The following MMRN2 variants were observed in gnomAD, a reference collection of about 807,000 sequenced individuals.
The protein encoded by MMRN2 is multimerin-2.
A neutral mutation model predicts 68.8 loss-of-function variants in MMRN2; 53 were observed. That is an observed-to-expected ratio of 0.77 (90% CI 0.62 to 0.97). The LOEUF (loss-of-function observed/expected upper bound fraction) is 0.97. Ranked by LOEUF, MMRN2 falls within the 50% of genes least tolerant of loss-of-function variation. MMRN2 has a pLI of 0.00. For missense variants in MMRN2, 1,266 were observed against 1,259.5 expected, an observed-to-expected ratio of 1.01 and a Z score of -0.08; for synonymous variants, 564 against 551.6, an observed-to-expected ratio of 1.02 and a Z score of -0.32.
Position 86,936,926 on chromosome 10 carries a change from A to T in MMRN2, c.2667T>A (p.Phe889Leu), listed in dbSNP as rs373201619. The change falls in exon 7 of 7, where the codon TTT (phenylalanine) becomes TTA (leucine). Residue 889 changes from phenylalanine (F) to leucine (L), a missense_variant. Phe to Leu is a conservative substitution (Grantham distance 22, BLOSUM62 0). Transcript: ENST00000372027. ...AGACTGGAGTCCGATGGTGACCTCC[A>T]AACACCAGCTGCCCGGTGCCTGGCC... is the stretch of plus-strand genomic sequence containing the variant. ...GPGPGTGQLV[F>L]GGHHRTPVCT... is the part of the protein sequence containing the mutation. 1 of 1,614,106 alleles carries T rather than the reference A, an allele frequency of 6.2e-7. No individual in the cohort carries two copies. Among genetic ancestry groups the T allele is most frequent in the African/African-American group, 1.3e-5 (1 of 74,936 alleles).
chr10:86,947,122 G>A (rs1490208560), intron 1 of MMRN2, among the ~76,000 whole-genome samples: 1 of 152,172 alleles, frequency 6.6e-6, no homozygotes, highest in Non-Finnish European at 1.5e-5. Context: ...GAGATGATGG[G>A]AGGGCAAGAC....
intron 6 of MMRN2, among the ~76,000 whole-genome samples, chr10:86,940,243 CA>C (rs1843948817): frequency 6.6e-6 from 1 of 152,132 alleles, no homozygotes; most frequent in African/African-American, 2.4e-5. Flanking sequence ...CTCCTGACCT[CA>C]AGTGATCCAC....
intron 6 of MMRN2, 49 bp downstream of exon 6, chr10:86,942,268 C>T (rs530992101): frequency 5.9e-6 from 9 of 1,532,550 alleles, no homozygotes; most frequent in South Asian, 1.3e-5. Flanking sequence ...TGCCGGCAGC[C>T]GGCCCTGGCC....
chr10:86,942,301 C>A lies in MMRN2; in HGVS notation c.2467+16G>T. Reference sequence around the variant, plus strand: ...GCCTCCTAGGCTCGTCCAGTCTCCCCAGCCCAGGAACTCACCTGCCTCCCA... The same window carrying A: ...GCCTCCTAGGCTCGTCCAGTCTCCCAAGCCCAGGAACTCACCTGCCTCCCA... On this transcript the variant is annotated intron_variant, in intron 6 of 6. Transcript: ENST00000372027. 1 of 1,594,206 alleles carries A rather than the reference C, an allele frequency of 6.3e-7. No individual in the cohort carries two copies. The highest frequency in any genetic ancestry group is 8.6e-7 in the Non-Finnish European group (1 of 1,169,300).
At position 86,943,880 on chromosome 10, in the gene MMRN2, G is replaced by C. The variant is rs149520787; in HGVS notation, c.904C>G (p.Gln302Glu). ...TCCTGTCGCAGCTGACCCACTCTCT[G>C]AGTGTTCTCCTGGACCTTGGCCTCA... ...KFEAKVQENT[Q>E]RVGQLRQDVE... Residue 302 changes from glutamine (Q) to glutamate (E), a missense_variant, in exon 6 of 7, where the codon CAG becomes GAG. Transcript: ENST00000372027. The surrounding 1 kb of genome is among the most constrained non-coding windows in gnomAD (Gnocchi z 4.2). 6.2e-7 allele frequency: 1 copy of C among 1,613,910 alleles called. No homozygotes were observed. The highest frequency in any genetic ancestry group is 8.5e-7 in the Non-Finnish European group (1 of 1,180,048).
chr10:86,950,908 G>A (rs146223891), intron 1 of MMRN2, among the ~76,000 whole-genome samples: 19 of 152,218 alleles, frequency 1.2e-4, no homozygotes, highest in South Asian at 2.1e-4. Flanking sequence ...CTATGGATGC[G>A]TGCACATGCA....
intron 6 of MMRN2, among the ~76,000 whole-genome samples, chr10:86,938,291 C>G (rs1304205591): frequency 2.6e-5 from 4 of 152,182 alleles, no homozygotes; most frequent in Admixed American, 6.5e-5. Context: ...GCTTATTGCT[C>G]CAGACCACAC....
Position 86,943,004 on chromosome 10 carries a change from T to C in MMRN2, c.1780A>G (p.Ser594Gly), listed in dbSNP as rs757330570. Reference protein sequence around the residue: ...EARHEVRQLHSAFAALLEDAL... With the variant: ...EARHEVRQLHGAFAALLEDAL... ...TCCTCCAGCAGGGCGGCGAAGGCGC[T>C]GTGCAGCTGGCGCACCTCGTGGCGG... Residue 594 changes from serine to glycine, a missense_variant, in exon 6 of 7, where the codon AGC becomes GGC. Physicochemically the swap from Ser to Gly is moderately conservative, Grantham distance 56 (BLOSUM62 0). Transcript: ENST00000372027. The surrounding 1 kb of genome is among the most constrained non-coding windows in gnomAD (Gnocchi z 4.2). The C allele has an allele frequency of 1.3e-5, 19 of 1,420,816 alleles. No individual in the cohort carries two copies. Among genetic ancestry groups the C allele is most frequent in the Non-Finnish European group, 1.7e-5 (19 of 1,087,248 alleles). The allele number at this position is 1,420,816 out of a possible 1,614,324, so 88.0% of individuals were successfully genotyped here. A position where few individuals can be genotyped will look rare whatever the true frequency, so the allele number is the denominator to read the frequency against.
chr10:86,947,123 AGG>A lies in MMRN2; in HGVS notation c.165-1436_165-1435del, dbSNP rs1183116667. ...GGTCCCTGGGTGCAGAGATGATGGG[AGG>A]GCAAGACGTTGGCAGCTGTGTCCAC... On this transcript the variant is annotated intron_variant, in intron 1 of 6. Transcript: ENST00000372027. Among the ~76,000 whole-genome samples, 3 of 152,090 alleles carry A rather than the reference AGG, an allele frequency of 2.0e-5. No individual in the cohort carries two copies. The East Asian group carries it at 5.8e-4, about 29-fold the overall frequency.
At chr10:86,951,282 A>C (rs1844140309) in intron 1 of MMRN2, among the ~76,000 whole-genome samples, 1 of 152,238 alleles carries the variant, frequency 6.6e-6, no homozygotes, top group South Asian at 2.1e-4. Context: ...GAGATCAGCA[A>C]ACTTTTTTTC....
rs919867294 is a variant in MMRN2, at chr10:86,957,475, G to A, written c.67C>T (p.Gln23Ter). Residue 23 changes from glutamine (Q) to a stop codon, truncating the protein, a stop_gained, in exon 1 of 7, where the codon CAG (glutamine) becomes TAG (stop). Coordinates refer to ENST00000372027, the MANE Select transcript of MMRN2 (RefSeq NM_024756.3). LOFTEE classifies it high-confidence loss of function. ...TCAGAGAGGCTAGTACTGGAAGCCT[G>A]GGCCCATGCCCCCAGCAGCCCCCAG... ...LGWGLLGAWAQASSTSLSDLQ... is the reference protein window; with the variant it reads ...LGWGLLGAWA 1.2e-6 allele frequency: 2 copies of A among 1,613,374 alleles called. No homozygotes were observed. Among genetic ancestry groups the A allele is most frequent in the Non-Finnish European group, 1.7e-6 (2 of 1,179,958 alleles).
In MMRN2 at chr10:86,936,439, A is replaced by G. The variant is rs577584012; in HGVS notation, c.*304T>C. 4.1e-5 allele frequency: 20 copies of G among 489,428 alleles called. 1 individual carries two copies. The highest frequency in any genetic ancestry group is 3.6e-4 in the East Asian group (12 of 33,632). The allele number at this position is 489,428 out of a possible 1,614,324, so 30.3% of individuals were successfully genotyped here. On this transcript the variant is annotated 3_prime_UTR_variant, in exon 7 of 7. Transcript: ENST00000372027. The stretch of plus-strand genomic sequence containing the variant: ...AGGAGCAAAACACCAAAGAAGTTGT[A>G]GAATACAGGGTGTGGTGAAGAGTTG...
At position 86,937,037 on chromosome 10, in the gene MMRN2, G is replaced by T; in HGVS notation, c.2556C>A (p.Gly852=). Residue 852 remains glycine (G), a synonymous_variant, in exon 7 of 7, where the codon GGC becomes GGA. Coordinates refer to ENST00000372027, the MANE Select transcript of MMRN2 (RefSeq NM_024756.3). ...AGCCATGTTCAGGGAAGTAGCTGCT[G>T]CCAATGTTGATGTATGTGGTGTTGA... ...VKFNTTYINI[G]SSYFPEHGYF... is the part of the protein sequence containing the mutation. 6.2e-7 allele frequency: 1 copy of T among 1,614,228 alleles called. No individual in the cohort carries two copies. Among genetic ancestry groups the T allele is most frequent in the Non-Finnish European group, 8.5e-7 (1 of 1,180,040 alleles).
intron 6 of MMRN2, 115 bp downstream of exon 6, chr10:86,942,202 G>A: frequency 2.4e-6 from 3 of 1,257,694 alleles, no homozygotes; most frequent in Non-Finnish European, 3.2e-6. Flanking sequence ...CCTAGTAGGG[G>A]TGACGGATGG....
intron 1 of MMRN2, among the ~76,000 whole-genome samples, chr10:86,947,034 G>A (rs1434955192): frequency 6.6e-6 from 1 of 152,132 alleles, no homozygotes; most frequent in Non-Finnish European, 1.5e-5. Context: ...GCTGGCCCAT[G>A]TCCTGAGGGC....
chr10:86,956,113 G>C (rs1037151345), intron 1 of MMRN2, among the ~76,000 whole-genome samples: 3 of 151,962 alleles, frequency 2.0e-5, no homozygotes, highest in African/African-American at 7.3e-5. Flanking sequence ...AAATCAGAGC[G>C]GAGTGGCTGG....
At position 86,945,354 on chromosome 10, in the gene MMRN2, C is replaced by A. The variant is rs777046951; in HGVS notation, c.400+16G>T. 6.2e-7 allele frequency: 1 copy of A among 1,600,028 alleles called. No individual in the cohort carries two copies. Among genetic ancestry groups the A allele is most frequent in the Admixed American group, 1.7e-5 (1 of 58,128 alleles). On this transcript the variant is annotated intron_variant, in intron 3 of 6. Coordinates refer to ENST00000372027, the MANE Select transcript of MMRN2 (RefSeq NM_024756.3). ...ATCAGAGGTCAAGGGGGGAAGGGGGCCGCAGGGAGCCCTACCGTGGTGCTC... is the reference window on the plus strand; with the variant it reads ...ATCAGAGGTCAAGGGGGGAAGGGGGACGCAGGGAGCCCTACCGTGGTGCTC...
Position 86,943,515 on chromosome 10 carries a change from G to C in MMRN2, c.1269C>G (p.Phe423Leu), listed in dbSNP as rs867442471. Residue 423 changes from phenylalanine to leucine, a missense_variant, in exon 6 of 7, where the codon TTC becomes TTG. Coordinates refer to ENST00000372027, the MANE Select transcript of MMRN2 (RefSeq NM_024756.3). The surrounding 1 kb of genome is among the most constrained non-coding windows in gnomAD (Gnocchi z 4.2). Reference sequence around the variant, plus strand: ...GCCGCTCCACCTTGCTAATCTGATCGAAAGTCTCGTCCGATTCGGAGTACA... The same window carrying C: ...GCCGCTCCACCTTGCTAATCTGATCCAAAGTCTCGTCCGATTCGGAGTACA... ...KELYSESDETFDQISKVERQV... is the reference protein window; with the variant it reads ...KELYSESDETLDQISKVERQV... The C allele has an allele frequency of 6.2e-7, 1 of 1,614,218 alleles. No homozygotes were observed. The highest frequency in any genetic ancestry group is 2.2e-5 in the East Asian group (1 of 44,874).
chr10:86,943,220 G>A lies in MMRN2; in HGVS notation c.1564C>T (p.Leu522=), dbSNP rs200997718. 9 of 1,610,386 alleles carry A rather than the reference G, an allele frequency of 5.6e-6. No individual in the cohort carries two copies. The highest frequency in any genetic ancestry group is 5.3e-5 in the African/African-American group (4 of 74,908). Residue 522 remains leucine, a synonymous_variant, in exon 6 of 7, where the codon CTG becomes TTG. Transcript: ENST00000372027. The surrounding 1 kb of genome is among the most constrained non-coding windows in gnomAD (Gnocchi z 4.2). ...CCGTCCAGCTGCCGCCGCTCGTCCA[G>A]GCTCACCTGGGTCTCCTCCAGGGCA... ...TRALEETQVS[L]DERRQLDGSS... is the part of the protein sequence containing the mutation.
Sources: gnomAD v4.1 joint callset for allele counts (sites outside exome capture counted in the v4.1 genomes callset) on GRCh38, gnomAD v4.1.1 for gene constraint, Gnocchi (gnomAD v3.1) non-coding constraint, MANE v1.5 for transcripts, NCBI Gene and HGNC (gene_info 2026-07-23, HGNC 2026-07-21) for gene names.